The following TPRG1 variants were observed in gnomAD, a reference collection of about 807,000 sequenced individuals.
TPRG1 encodes tumor protein p63-regulated gene 1 protein.
Under a neutral mutation model 29.3 loss-of-function variants are expected in TPRG1, and 29 were observed. The observed-to-expected ratio is 0.99, with a 90% CI of 0.74 to 1.35. The LOEUF is 1.35. TPRG1 is among the 40% of genes most tolerant of loss of function. The pLI, the probability that TPRG1 is intolerant of heterozygous loss-of-function variation, is 0.00. For synonymous variants in TPRG1, 130 were observed against 116.8 expected (o/e 1.11, Z -0.73); for missense variants, 327 against 335.0 (o/e 0.98, Z 0.19).
intron 4 of TPRG1, among the ~76,000 whole-genome samples, chr3:189,299,430 C>A (rs1720484449): frequency 6.6e-6 from 1 of 152,130 alleles, no homozygotes; most frequent in Admixed American, 6.6e-5. Context: ...CTGGGCATTT[C>A]TCGAAATATC....
intron 4 of TPRG1, among the ~76,000 whole-genome samples, chr3:189,046,884 TAAAG>T (rs1257534084): frequency 6.6e-6 from 1 of 152,000 alleles, no homozygotes; most frequent in Non-Finnish European, 1.5e-5. Context: ...AAAACTGCCT[TAAAG>T]AAAAACAACA....
intron 2 of TPRG1, among the ~76,000 whole-genome samples, chr3:189,212,370 ACTCT>A (rs1735400110): frequency 6.6e-6 from 1 of 151,724 alleles, no homozygotes; most frequent in African/African-American, 2.4e-5. Context: ...TGGCTTTCAT[ACTCT>A]CTCTCTTTCC....
At chr3:189,115,665 C>T (rs1721078957) in intron 1 of TPRG1, among the ~76,000 whole-genome samples, 1 of 152,186 alleles carries the variant, frequency 6.6e-6, no homozygotes, top group South Asian at 2.1e-4. Flanking sequence ...CACAATGTTA[C>T]AATGAATGAG....
At chr3:189,165,776 A>G (rs1482425753) in intron 5 of TPRG1, among the ~76,000 whole-genome samples, 1 of 152,158 alleles carries the variant, frequency 6.6e-6, no homozygotes, top group Non-Finnish European at 1.5e-5. Flanking sequence ...GACCCCAAAG[A>G]TGCAGAAAGG....
intron 1 of TPRG1, among the ~76,000 whole-genome samples, chr3:189,201,996 C>A (rs80201241): frequency 1.3e-5 from 2 of 152,088 alleles, no homozygotes; most frequent in Non-Finnish European, 2.9e-5. Context: ...AAAACACCCC[C>A]AAACATGCCT....
At chr3:189,273,989 T>C (rs1287421145) in intron 4 of TPRG1, among the ~76,000 whole-genome samples, 2 of 151,026 alleles carry the variant, frequency 1.3e-5, no homozygotes, top group African/African-American at 2.5e-5. Context: ...GTGGAAATAA[T>C]GTTGTATTTG....
chr3:189,259,125 G>T (rs922399074), intron 4 of TPRG1, among the ~76,000 whole-genome samples: 1 of 152,188 alleles, frequency 6.6e-6, no homozygotes, highest in Non-Finnish European at 1.5e-5. Context: ...GGCTCTGGTG[G>T]TGTAGGCACC....
chr3:189,302,862 C>G (rs1721050495), intron 4 of TPRG1, among the ~76,000 whole-genome samples: 2 of 152,146 alleles, frequency 1.3e-5, no homozygotes, highest in South Asian at 2.1e-4. Flanking sequence ...TTCCTAGTTT[C>G]CCTGTCAATA....
intron 4 of TPRG1, among the ~76,000 whole-genome samples, chr3:189,036,100 A>C (rs899249799): frequency 3.3e-5 from 5 of 152,152 alleles, no homozygotes; most frequent in Admixed American, 6.6e-5. Flanking sequence ...ATGAAAAAAA[A>C]CAAAATCCTG....
intron 4 of TPRG1, among the ~76,000 whole-genome samples, chr3:189,262,251 AGTAT>A (rs138460933): frequency 1.6e-4 from 24 of 146,562 alleles, no homozygotes; most frequent in Non-Finnish European, 3.4e-4. Flanking sequence ...TATAAGTATA[AGTAT>A]AAGACTTGGT....
chr3:189,057,453 TAAG>T (rs1186839967), intron 4 of TPRG1, among the ~76,000 whole-genome samples: 4 of 150,094 alleles, frequency 2.7e-5, no homozygotes, highest in Non-Finnish European at 5.9e-5. Flanking sequence ...GAGATGGTAA[TAAG>T]GAGACACGTG....
chr3:189,302,567 G>A (rs974476323), intron 4 of TPRG1, among the ~76,000 whole-genome samples: 1 of 152,196 alleles, frequency 6.6e-6, no homozygotes. Flanking sequence ...ATCCTCATCA[G>A]TGGAAAGAAA....
At chr3:189,281,730 A>C (rs1717165021) in intron 4 of TPRG1, among the ~76,000 whole-genome samples, 2 of 152,200 alleles carry the variant, frequency 1.3e-5, no homozygotes, top group Non-Finnish European at 2.9e-5. Flanking sequence ...TAGTTGAGTT[A>C]GTAAATTTGT....
At chr3:189,199,532 C>G (rs1394977244) in intron 1 of TPRG1, among the ~76,000 whole-genome samples, 2 of 152,174 alleles carry the variant, frequency 1.3e-5, no homozygotes, top group Non-Finnish European at 2.9e-5. Flanking sequence ...ATGAACCCCT[C>G]AGGTAACCTC....
intron 2 of TPRG1, among the ~76,000 whole-genome samples, chr3:189,130,872 C>A (rs1176058877): frequency 1.3e-5 from 2 of 152,086 alleles, no homozygotes; most frequent in Non-Finnish European, 2.9e-5. Context: ...AGGGAATGAC[C>A]TGCGTTTTAG....
intron 3 of TPRG1, among the ~76,000 whole-genome samples, chr3:189,217,241 T>C (rs1736209109): frequency 6.6e-6 from 1 of 152,198 alleles, no homozygotes; most frequent in African/African-American, 2.4e-5. Context: ...CACCAGTAGT[T>C]TTCAGAAAAG....
At chr3:189,256,716 T>G (rs1202838597) in intron 4 of TPRG1, among the ~76,000 whole-genome samples, 2 of 152,222 alleles carry the variant, frequency 1.3e-5, no homozygotes, top group East Asian at 3.8e-4. Context: ...ATATTTAGGA[T>G]AGTTAGCTCT....
chr3:189,043,533 CT>C (rs1208019134), intron 4 of TPRG1, among the ~76,000 whole-genome samples: 42 of 152,166 alleles, frequency 2.8e-4, no homozygotes, highest in African/African-American at 9.4e-4. Flanking sequence ...ATTTTCACCC[CT>C]GATGGAAGAA....
chr3:189,047,899 A>G (rs1715076471), intron 4 of TPRG1, among the ~76,000 whole-genome samples: 1 of 152,184 alleles, frequency 6.6e-6, no homozygotes. Context: ...GCATGTTTGC[A>G]GGCATTTTCT....
Sources: allele counts gnomAD v4.1 joint callset (sites outside exome capture counted in the v4.1 genomes callset), GRCh38; gene constraint gnomAD v4.1.1; transcripts MANE v1.5; gene names NCBI Gene and HGNC (gene_info 2026-07-23, HGNC 2026-07-21).